RUNDC3B: variants seen among roughly 807,000 people sequenced by gnomAD.
RUNDC3B encodes the protein RUN domain-containing protein 3B.
RUNDC3B carries 33 observed loss-of-function variants against 58.4 expected under a neutral mutation model. The ratio of observed to expected loss-of-function variants is 0.56; its 90% CI spans 0.43 to 0.75. The LOEUF (loss-of-function observed/expected upper bound fraction) is 0.75, where lower values mean the gene tolerates loss of function less well. Among genes scored for constraint, RUNDC3B ranks in the 30% least tolerant of loss-of-function variants. The pLI, the probability that RUNDC3B is intolerant of heterozygous loss-of-function variation, is 0.00. For missense variants in RUNDC3B, 501 were observed against 535.7 expected, an observed-to-expected ratio of 0.94 and a Z score of 0.64; for synonymous variants, 193 against 195.2, an observed-to-expected ratio of 0.99 and a Z score of 0.10.
chr7:87,631,453 C>A (rs529907362), intron 1 of RUNDC3B, among the ~76,000 whole-genome samples: 1 of 152,128 alleles, frequency 6.6e-6, no homozygotes, highest in African/African-American at 2.4e-5. Flanking sequence ...AGCAGTGGCG[C>A]GATCTCGGCT....
At chr7:87,759,035 A>G (rs1211242385) in intron 6 of RUNDC3B, among the ~76,000 whole-genome samples, 3 of 152,202 alleles carry the variant, frequency 2.0e-5, no homozygotes, top group Admixed American at 6.5e-5. Context: ...CTGCACTCTC[A>G]TCTTTATTGC....
chr7:87,741,008 C>T (rs1157811118), intron 5 of RUNDC3B, among the ~76,000 whole-genome samples: 2 of 151,952 alleles, frequency 1.3e-5, no homozygotes, highest in Non-Finnish European at 2.9e-5. Flanking sequence ...AGTTCAAGAC[C>T]AGCCTGGCCA....
At chr7:87,731,162 T>G (rs1011760886) in intron 4 of RUNDC3B, among the ~76,000 whole-genome samples, 6 of 151,414 alleles carry the variant, frequency 4.0e-5, no homozygotes, top group African/African-American at 1.5e-4. Context: ...AACTCTTCAA[T>G]GCCAAGAAAA....
chr7:87,634,862 T>A (rs1422745474), intron 1 of RUNDC3B, among the ~76,000 whole-genome samples: 1 of 152,136 alleles, frequency 6.6e-6, no homozygotes, highest in African/African-American at 2.4e-5. Context: ...TATTAAATAT[T>A]TCTAAGGATT....
chr7:87,682,235 A>G (rs1826997012), intron 2 of RUNDC3B, among the ~76,000 whole-genome samples: 2 of 152,182 alleles, frequency 1.3e-5, no homozygotes. Flanking sequence ...GACTCCTTCC[A>G]CCAAAGTCTT....
At chr7:87,698,942 A>AT (rs1828756523) in intron 2 of RUNDC3B, among the ~76,000 whole-genome samples, 1 of 152,236 alleles carries the variant, frequency 6.6e-6, no homozygotes, top group Non-Finnish European at 1.5e-5. Context: ...TTGATTAATA[A>AT]TAAGTACATC....
chr7:87,640,213 A>G (rs1313855320), intron 1 of RUNDC3B, among the ~76,000 whole-genome samples: 1 of 149,670 alleles, frequency 6.7e-6, no homozygotes, highest in Non-Finnish European at 1.5e-5. Flanking sequence ...TATATATTAA[A>G]TCTTACATTA....
At chr7:87,716,474 C>T (rs1301867702) in intron 4 of RUNDC3B, among the ~76,000 whole-genome samples, 2 of 152,158 alleles carry the variant, frequency 1.3e-5, no homozygotes, top group African/African-American at 4.8e-5. Flanking sequence ...TAAATGTCTC[C>T]ATTGCACCAT....
intron 8 of RUNDC3B, among the ~76,000 whole-genome samples, chr7:87,797,423 G>A (rs1178942437): frequency 6.6e-6 from 1 of 152,072 alleles, no homozygotes; most frequent in Non-Finnish European, 1.5e-5. Context: ...ACTTCACATT[G>A]TATCATATTT....
At chr7:87,711,156 G>A (rs940011183) in intron 4 of RUNDC3B, among the ~76,000 whole-genome samples, 8 of 151,710 alleles carry the variant, frequency 5.3e-5, no homozygotes, top group South Asian at 2.1e-4. Flanking sequence ...GATAAACCCC[G>A]TCTCTACTCA....
chr7:87,811,115 A>G (rs1448199860), intron 9 of RUNDC3B, among the ~76,000 whole-genome samples: 1 of 152,158 alleles, frequency 6.6e-6, no homozygotes, highest in Admixed American at 6.5e-5. Flanking sequence ...TAATCCTGGT[A>G]GGTTATCTGT....
At chr7:87,819,801 G>A (rs1168122602) in intron 10 of RUNDC3B, among the ~76,000 whole-genome samples, 4 of 152,080 alleles carry the variant, frequency 2.6e-5, no homozygotes, top group South Asian at 2.1e-4. Context: ...GGTACATAAC[G>A]AAATGAAGGC....
At chr7:87,684,117 A>G (rs1827208977) in intron 2 of RUNDC3B, among the ~76,000 whole-genome samples, 1 of 152,246 alleles carries the variant, frequency 6.6e-6, no homozygotes, top group Non-Finnish European at 1.5e-5. Flanking sequence ...AAATCTTTAC[A>G]GCTAGGTATT....
At chr7:87,803,533 G>T (rs1836279756) in intron 8 of RUNDC3B, among the ~76,000 whole-genome samples, 1 of 152,132 alleles carries the variant, frequency 6.6e-6, no homozygotes, top group Non-Finnish European at 1.5e-5. Flanking sequence ...GCAAAAGCAA[G>T]ATAGAGGAGA....
At chr7:87,803,734 A>C (rs1036617926) in intron 8 of RUNDC3B, among the ~76,000 whole-genome samples, 3 of 152,148 alleles carry the variant, frequency 2.0e-5, no homozygotes, top group Non-Finnish European at 4.4e-5. Context: ...TAATACATTT[A>C]CTTGATATTC....
At chr7:87,631,696 C>G (rs1400173207) in intron 1 of RUNDC3B, among the ~76,000 whole-genome samples, 1 of 152,102 alleles carries the variant, frequency 6.6e-6, no homozygotes, top group Non-Finnish European at 1.5e-5. Flanking sequence ...CGCCCGGCCT[C>G]TTTATTTTTA....
intron 6 of RUNDC3B, among the ~76,000 whole-genome samples, chr7:87,750,500 G>A (rs1246389606): frequency 6.6e-6 from 1 of 152,074 alleles, no homozygotes; most frequent in African/African-American, 2.4e-5. Flanking sequence ...CACCAACAGT[G>A]TAAAAGTGTT....
chr7:87,755,292 A>T (rs1383323259), intron 6 of RUNDC3B, among the ~76,000 whole-genome samples: 1 of 152,144 alleles, frequency 6.6e-6, no homozygotes, highest in African/African-American at 2.4e-5. Context: ...GAGTCCTGGG[A>T]TTACAGGTGT....
At chr7:87,810,448 C>G (rs1027768033) in intron 9 of RUNDC3B, among the ~76,000 whole-genome samples, 8 of 152,260 alleles carry the variant, frequency 5.3e-5, no homozygotes, top group Non-Finnish European at 8.8e-5. Context: ...TACAAAAAAT[C>G]TCCTGAATTA....
Sources: gnomAD v4.1 joint callset for allele counts (sites outside exome capture counted in the v4.1 genomes callset) on GRCh38, gnomAD v4.1.1 for gene constraint, MANE v1.5 for transcripts, NCBI Gene and HGNC (gene_info 2026-07-23, HGNC 2026-07-21) for gene names.